The following ZNF846 variants were observed in gnomAD, a reference collection of about 807,000 sequenced individuals.
The protein encoded by ZNF846 is zinc finger protein 420 pseudogene.
Under a neutral mutation model 16.0 loss-of-function variants are expected in ZNF846, and 15 were observed. The ratio of observed to expected loss-of-function variants is 0.94; its 90% CI spans 0.63 to 1.45. ZNF846 has a LOEUF of 1.45. ZNF846 is among the 40% of genes most tolerant of loss of function. The pLI, the probability that ZNF846 is intolerant of heterozygous loss-of-function variation, is 0.00. For synonymous variants in ZNF846, 229 were observed against 212.0 expected (o/e 1.08, Z -0.70); for missense variants, 714 against 622.3 (o/e 1.15, Z -1.57).
At chr19:9,755,886 G>A (rs1451243470), downstream of ZNF846, among the ~76,000 whole-genome samples, 2 of 141,854 alleles carry the variant, frequency 1.4e-5, no homozygotes, top group Non-Finnish European at 3.0e-5. Flanking sequence ...TGTCACCCAG[G>A]CTGGAGTGTA....
chr19:9,762,019 G>A, intron 4 of ZNF846, 63 bp downstream of exon 4: 5 of 1,369,130 alleles, frequency 3.7e-6, no homozygotes, highest in Non-Finnish European at 4.2e-6. Context: ...CATTTCCAAT[G>A]TACTGCATGT....
chr19:9,754,563 T>TCAAAAAAAAAAAAAAAAAAAAAAAAA (rs776769152), downstream of ZNF846, among the ~76,000 whole-genome samples: 12 of 83,770 alleles, frequency 1.4e-4, 1 homozygote, highest in African/African-American at 7.1e-4. Context: ...AGACTCTGTC[T>TCAAAAAAAAAAAAAAAAAAAAAAAAA]TAAAAAAAAA....
chr19:9,776,653 G>A (rs577947625), intron 1 of ZNF846, among the ~76,000 whole-genome samples: 21 of 152,268 alleles, frequency 1.4e-4, no homozygotes, highest in South Asian at 4.1e-4. Context: ...TGGGGGTAGC[G>A]GTCCCCCAGG....
At chr19:9,771,915 A>G (rs1171626065), upstream of ZNF846, among the ~76,000 whole-genome samples, 1 of 151,830 alleles carries the variant, frequency 6.6e-6, no homozygotes, top group African/African-American at 2.4e-5. Context: ...CTACAGGTGC[A>G]CACCACCATG....
chr19:9,762,828 A>C (rs1416288885), intron 3 of ZNF846, among the ~76,000 whole-genome samples: 1 of 152,292 alleles, frequency 6.6e-6, no homozygotes, highest in African/African-American at 2.4e-5. Flanking sequence ...ATGCTTTAAG[A>C]AAGTTTACAA....
At chr19:9,753,219 AATTTATTTATTTATTTATTTATTT>A (rs57885198), downstream of ZNF846, among the ~76,000 whole-genome samples, 17,937 of 134,518 alleles carry the variant, frequency 0.13, 1,459 homozygotes, top group Admixed American at 0.25. Flanking sequence ...GAGGAGACAA[AATTTATTTATTTATTTATTTATTT>A]ATTTATTTAT....
chr19:9,784,006 T>C (rs2045532364), intron 1 of ZNF846, among the ~76,000 whole-genome samples: 1 of 152,172 alleles, frequency 6.6e-6, no homozygotes, highest in African/African-American at 2.4e-5. Context: ...CCTGGCCAGA[T>C]AATGGTGATT....
At chr19:9,767,534 A>G (rs1171851314) in intron 1 of ZNF846, among the ~76,000 whole-genome samples, 1 of 152,322 alleles carries the variant, frequency 6.6e-6, no homozygotes, top group South Asian at 2.1e-4. Context: ...ATAGGTGTTC[A>G]ATATTCTGGC....
chr19:9,757,410 C>A, downstream of ZNF846: 1 of 1,330,522 alleles, frequency 7.5e-7, no homozygotes, highest in Non-Finnish European at 1.0e-6. Context: ...TGTTCATATT[C>A]TTTACCTTCC....
chr19:9,761,228 C>T (rs1047464612), intron 4 of ZNF846, among the ~76,000 whole-genome samples: 1 of 148,896 alleles, frequency 6.7e-6, no homozygotes, highest in Non-Finnish European at 1.5e-5. Flanking sequence ...CAAAGAAATG[C>T]CTTGAAACTA....
intron 2 of ZNF846, among the ~76,000 whole-genome samples, chr19:9,764,467 A>G (rs1249520372): frequency 2.6e-5 from 4 of 152,322 alleles, no homozygotes; most frequent in Admixed American, 2.6e-4. Context: ...GTACTTCTAC[A>G]TACAAATGTT....
chr19:9,763,022 T>C (rs1222925382), intron 3 of ZNF846, among the ~76,000 whole-genome samples: 1 of 151,840 alleles, frequency 6.6e-6, no homozygotes, highest in Non-Finnish European at 1.5e-5. Flanking sequence ...TGCACACCTG[T>C]AATCCCAGCT....
At chr19:9,776,527 C>T (rs1286502862) in intron 1 of ZNF846, among the ~76,000 whole-genome samples, 1 of 152,268 alleles carries the variant, frequency 6.6e-6, no homozygotes, top group Non-Finnish European at 1.5e-5. Flanking sequence ...ACGTGACCCA[C>T]GTGACCTTAC....
chr19:9,758,361 G>A, exon 6 of ZNF846: 5 of 1,613,436 alleles, frequency 3.1e-6, no homozygotes, highest in Non-Finnish European at 4.2e-6. Context: ...TATAAGGTGT[G>A]AGGAATTACT....
At chr19:9,749,491 T>C (rs1568317293), downstream of ZNF846, among the ~76,000 whole-genome samples, 1 of 151,934 alleles carries the variant, frequency 6.6e-6, no homozygotes, top group African/African-American at 2.4e-5. Context: ...TTGCAGTGGA[T>C]ATAATATCTT....
chr19:9,773,867 T>A (rs1343078390), intron 1 of ZNF846, among the ~76,000 whole-genome samples: 2 of 152,198 alleles, frequency 1.3e-5, no homozygotes, highest in African/African-American at 2.4e-5. Context: ...GATGTGATAT[T>A]ATATATGGAA....
chr19:9,751,124 T>C (rs2145150235), downstream of ZNF846, among the ~76,000 whole-genome samples: 1 of 152,280 alleles, frequency 6.6e-6, no homozygotes, highest in East Asian at 1.9e-4. Flanking sequence ...TATTGAGGGC[T>C]TGTGTCTTCT....
At chr19:9,753,047 G>T (rs952886738), downstream of ZNF846, among the ~76,000 whole-genome samples, 1 of 151,446 alleles carries the variant, frequency 6.6e-6, no homozygotes, top group Non-Finnish European at 1.5e-5. Context: ...CCATCTTCTT[G>T]AAGTAACCAA....
upstream of ZNF846, among the ~76,000 whole-genome samples, chr19:9,773,003 A>T (rs1476868525): frequency 2.0e-5 from 3 of 152,090 alleles, no homozygotes; most frequent in Non-Finnish European, 4.4e-5. Flanking sequence ...GCTGCAGTGA[A>T]CTAAAACCGA....
Sources: gnomAD v4.1 joint callset for allele counts (sites outside exome capture counted in the v4.1 genomes callset) on GRCh38, gnomAD v4.1.1 for gene constraint, MANE v1.5 for transcripts, NCBI Gene and HGNC (gene_info 2026-07-23, HGNC 2026-07-21) for gene names.